TUSC3: variants seen among roughly 807,000 people sequenced by gnomAD.
The protein encoded by TUSC3 is dolichyl-diphosphooligosaccharide--protein glycosyltransferase subunit TUSC3.
In TUSC3, 45 loss-of-function variants were observed where a neutral mutation model predicts 44.8. The observed-to-expected ratio is 1.00, with a 90% confidence interval of 0.79 to 1.29. The LOEUF is 1.29. Among genes scored for constraint, TUSC3 ranks in the 50% most tolerant of loss-of-function variants. The pLI, the probability that TUSC3 is intolerant of heterozygous loss-of-function variation, is 0.00. For missense variants in TUSC3, 519 were observed against 437.9 expected (o/e 1.19, Z -1.65); for synonymous variants, 212 against 152.9 (o/e 1.39, Z -2.85).
intron 2 of TUSC3, among the ~76,000 whole-genome samples, chr8:15,534,809 G>T (rs894678956): frequency 6.6e-6 from 1 of 152,134 alleles, no homozygotes; most frequent in East Asian, 1.9e-4. Flanking sequence ...GTAAAGTGAC[G>T]TACAGGAATC....
the TUSC3 span, among the ~76,000 whole-genome samples, chr8:15,839,098 G>A: frequency 6.6e-6 from 1 of 151,992 alleles, no homozygotes; most frequent in Non-Finnish European, 1.5e-5. Context: ...GGATTCCTAG[G>A]TATTTTCTTC....
chr8:15,622,709 C>G (rs1324509069), intron 1 of TUSC3, among the ~76,000 whole-genome samples: 1 of 152,026 alleles, frequency 6.6e-6, no homozygotes, highest in Non-Finnish European at 1.5e-5. Context: ...TTTCCTTTTG[C>G]TGTGATGTTT....
intron 1 of TUSC3, among the ~76,000 whole-genome samples, chr8:15,559,256 A>G (rs1411620999): frequency 1.4e-5 from 2 of 141,186 alleles, no homozygotes; most frequent in Non-Finnish European, 3.1e-5. Context: ...TCATTTTGTT[A>G]TGTACCCAGT....
chr8:15,709,354 G>A (rs191761065), intron 6 of TUSC3, among the ~76,000 whole-genome samples: 2 of 151,876 alleles, frequency 1.3e-5, no homozygotes, highest in Non-Finnish European at 2.9e-5. Flanking sequence ...CCCAATCCAA[G>A]TATGAGATAA....
At chr8:15,708,258 G>T (rs980630837) in intron 6 of TUSC3, among the ~76,000 whole-genome samples, 1 of 151,914 alleles carries the variant, frequency 6.6e-6, no homozygotes, top group African/African-American at 2.4e-5. Flanking sequence ...TAGAGGAAAT[G>T]GAATAAATGG....
chr8:15,634,748 C>G (rs1241699914), intron 2 of TUSC3, among the ~76,000 whole-genome samples: 2 of 152,220 alleles, frequency 1.3e-5, no homozygotes, highest in African/African-American at 4.8e-5. Flanking sequence ...AGAATTTTTG[C>G]TTACCCTCAT....
At chr8:15,776,799 G>C in the TUSC3 span, among the ~76,000 whole-genome samples, 2 of 151,836 alleles carry the variant, frequency 1.3e-5, no homozygotes, top group African/African-American at 4.8e-5. Flanking sequence ...CATTTTCATT[G>C]GTGTCTTCCA....
rs1299241636 is a variant in TUSC3, at chr8:15,650,737, C to T, written c.349C>T (p.Arg117Cys). 13 of 1,614,024 alleles carry T rather than the reference C, an allele frequency of 8.1e-6. No individual in the cohort carries two copies. The highest frequency in any genetic ancestry group is 1.3e-5 in the African/African-American group (1 of 75,000). Residue 117 changes from arginine to cysteine, a missense_variant, in exon 3 of 11, where the codon CGC (arginine) becomes TGC (cysteine). Transcript: ENST00000503731. ...EEYQILANSW[R>C]YSSAFCNKLF... Reference sequence around the variant, plus strand: ...ATATCAAATACTGGCGAACTCCTGGCGCTATTCATCTGCTTTTTGTAACAA... The same window carrying T: ...ATATCAAATACTGGCGAACTCCTGGTGCTATTCATCTGCTTTTTGTAACAA...
chr8:15,701,021 G>A (rs775768882), intron 6 of TUSC3, among the ~76,000 whole-genome samples: 1 of 151,616 alleles, frequency 6.6e-6, no homozygotes, highest in Non-Finnish European at 1.5e-5. Context: ...TGTTTTATAT[G>A]TGATGTCCAG....
chr8:15,712,837 C>T (rs770964712), intron 6 of TUSC3, among the ~76,000 whole-genome samples: 1 of 152,094 alleles, frequency 6.6e-6, no homozygotes, highest in Non-Finnish European at 1.5e-5. Context: ...CCTATGTAAA[C>T]TAAACTACTA....
chr8:15,798,903 G>C, the TUSC3 span, among the ~76,000 whole-genome samples: 2 of 152,088 alleles, frequency 1.3e-5, no homozygotes, highest in African/African-American at 4.8e-5. Context: ...GCTGCTGCCC[G>C]CAGGAATTTA....
chr8:15,520,948 C>T (rs968266601), intron 2 of TUSC3, among the ~76,000 whole-genome samples: 21 of 152,160 alleles, frequency 1.4e-4, no homozygotes, highest in African/African-American at 4.8e-4. Flanking sequence ...AAAGGCTATG[C>T]ACAGTTATTT....
chr8:15,792,394 T>A, the TUSC3 span, among the ~76,000 whole-genome samples: 1 of 152,264 alleles, frequency 6.6e-6, no homozygotes, highest in Admixed American at 6.5e-5. Context: ...GCAAAAAGAT[T>A]TATCTGAAGA....
At chr8:15,635,435 G>T (rs1806022316) in intron 2 of TUSC3, among the ~76,000 whole-genome samples, 1 of 152,188 alleles carries the variant, frequency 6.6e-6, no homozygotes, top group Non-Finnish European at 1.5e-5. Context: ...ACTGCTGAAT[G>T]CCTTACCTAT....
intron 6 of TUSC3, among the ~76,000 whole-genome samples, chr8:15,676,388 T>C (rs1273902393): frequency 6.6e-6 from 1 of 152,194 alleles, no homozygotes. Context: ...GTCAGGTACA[T>C]AGTTTGTAAA....
At chr8:15,547,577 A>G (rs1801916158) in intron 1 of TUSC3, among the ~76,000 whole-genome samples, 1 of 151,708 alleles carries the variant, frequency 6.6e-6, no homozygotes, top group South Asian at 2.1e-4. Context: ...TAGGCATTTG[A>G]CTTAGTTAGA....
chr8:15,846,778 T>A, the TUSC3 span, among the ~76,000 whole-genome samples: 9 of 151,822 alleles, frequency 5.9e-5, no homozygotes, highest in Non-Finnish European at 1.2e-4. Flanking sequence ...AGATGACGGG[T>A]TGATGGGTGC....
chr8:15,433,009 G>T, intron 1 of TUSC3, among the ~76,000 whole-genome samples: 1 of 152,114 alleles, frequency 6.6e-6, no homozygotes, highest in Non-Finnish European at 1.5e-5. Flanking sequence ...AGTACAAGGG[G>T]ATTCTTCTGC....
chr8:15,793,964 G>C, the TUSC3 span, among the ~76,000 whole-genome samples: 1 of 152,188 alleles, frequency 6.6e-6, no homozygotes, highest in Non-Finnish European at 1.5e-5. Context: ...AGTGGGAAAA[G>C]AGAAGAGCGC....
Sources: gnomAD v4.1 joint callset for allele counts (sites outside exome capture counted in the v4.1 genomes callset) on GRCh38, gnomAD v4.1.1 for gene constraint, MANE v1.5 for transcripts, NCBI Gene and HGNC (gene_info 2026-07-23, HGNC 2026-07-21) for gene names.